MAGI1: variants seen among roughly 807,000 people sequenced by gnomAD.
The protein encoded by MAGI1 is membrane-associated guanylate kinase, WW and PDZ domain-containing protein 1.
In MAGI1, 58 loss-of-function variants were observed where a neutral mutation model predicts 139.9. The ratio of observed to expected loss-of-function variants is 0.41; its 90% CI spans 0.34 to 0.52. The LOEUF (loss-of-function observed/expected upper bound fraction) is 0.52. MAGI1 is among the 20% of genes least tolerant of loss of function. The pLI, the probability that MAGI1 is intolerant of heterozygous loss-of-function variation, is 0.12. For missense variants in MAGI1, 1,874 were observed against 1,901.6 expected, an observed-to-expected ratio of 0.99 and a Z score of 0.27; for synonymous variants, 812 against 737.9, an observed-to-expected ratio of 1.10 and a Z score of -1.63.
intron 1 of MAGI1, among the ~76,000 whole-genome samples, chr3:65,791,071 C>CA (rs369414557): frequency 1.9e-4 from 29 of 150,396 alleles, no homozygotes; most frequent in East Asian, 7.8e-4. Context: ...CAAGACTCCT[C>CA]AAAAAAAAAC....
intron 1 of MAGI1, among the ~76,000 whole-genome samples, chr3:65,758,906 C>T (rs1283846766): frequency 6.6e-6 from 1 of 151,890 alleles, no homozygotes; most frequent in African/African-American, 2.4e-5. Flanking sequence ...TTTACTTAGT[C>T]CCCACATTTT....
At chr3:65,930,164 A>C (rs1359786681) in intron 1 of MAGI1, among the ~76,000 whole-genome samples, 1 of 151,654 alleles carries the variant, frequency 6.6e-6, no homozygotes, top group Non-Finnish European at 1.5e-5. Context: ...AAAATACAAA[A>C]AATTAGTCGG....
intron 1 of MAGI1, among the ~76,000 whole-genome samples, chr3:66,004,498 A>G (rs566888827): frequency 1.3e-5 from 2 of 152,252 alleles, no homozygotes; most frequent in Admixed American, 1.3e-4. Flanking sequence ...GCAGAAGCAC[A>G]TGGCATTTTT....
At chr3:65,949,066 T>C (rs978386221) in intron 1 of MAGI1, among the ~76,000 whole-genome samples, 4 of 152,298 alleles carry the variant, frequency 2.6e-5, no homozygotes, top group Middle Eastern at 3.4e-3. Flanking sequence ...TCTATATTCC[T>C]CAAAGCATTT....
intron 1 of MAGI1, chr3:65,844,498 C>T: frequency 3.4e-6 from 1 of 298,388 alleles, no homozygotes; most frequent in Non-Finnish European, 6.4e-6. Flanking sequence ...CTCGAGAACA[C>T]TACAAGCTAT....
At chr3:65,678,599 A>G (rs995536412) in intron 1 of MAGI1, among the ~76,000 whole-genome samples, 4 of 152,116 alleles carry the variant, frequency 2.6e-5, no homozygotes, top group Admixed American at 6.5e-5. Context: ...CCTCAAGTCC[A>G]TGCCACACTC....
rs948679158 is a variant in MAGI1, at chr3:65,671,498, T to C, written c.314-49410A>G. ...CCGGTTGAAAACCACTGCTATAAATTAAAAGAAAGAAAGTAGGGAATTCCT... is the reference window on the plus strand; with the variant it reads ...CCGGTTGAAAACCACTGCTATAAATCAAAAGAAAGAAAGTAGGGAATTCCT... On this transcript the variant is annotated intron_variant, in intron 1 of 22. Coordinates refer to ENST00000402939, the MANE Select transcript of MAGI1 (RefSeq NM_001033057.2). 1.7e-4 allele frequency among the ~76,000 whole-genome samples: 26 copies of C among 152,114 alleles called. 1 individual carries two copies. Among genetic ancestry groups the C allele is most frequent in the Non-Finnish European group, 5.9e-5 (4 of 68,006 alleles).
chr3:65,846,768 G>C (rs533551936), intron 1 of MAGI1, among the ~76,000 whole-genome samples: 1 of 152,228 alleles, frequency 6.6e-6, no homozygotes, highest in Admixed American at 6.5e-5. Flanking sequence ...CTAGAACTCA[G>C]ATCCAGGCAG....
At chr3:65,752,959 A>C (rs187988048) in intron 1 of MAGI1, among the ~76,000 whole-genome samples, 293 of 152,272 alleles carry the variant, frequency 1.9e-3, no homozygotes, top group African/African-American at 6.5e-3. Context: ...TCCTGGCTGT[A>C]TTCAAAGTTG....
chr3:65,694,680 T>C (rs539133345), intron 1 of MAGI1, among the ~76,000 whole-genome samples: 3 of 152,350 alleles, frequency 2.0e-5, no homozygotes, highest in South Asian at 4.1e-4. Context: ...CAAATAGTAG[T>C]GCCCAGGTAT....
At chr3:65,759,739 C>T (rs1413520746) in intron 1 of MAGI1, among the ~76,000 whole-genome samples, 1 of 152,152 alleles carries the variant, frequency 6.6e-6, no homozygotes, top group African/African-American at 2.4e-5. Context: ...CTGGGACTAA[C>T]AAGTTTGTGC....
intron 12 of MAGI1, among the ~76,000 whole-genome samples, chr3:65,428,857 T>G (rs1281809288): frequency 7.9e-5 from 12 of 152,124 alleles, no homozygotes; most frequent in Admixed American, 5.2e-4. Context: ...AAGCCCTCTC[T>G]CATAAGGAGA....
intron 12 of MAGI1, among the ~76,000 whole-genome samples, chr3:65,417,183 G>A (rs1368312294): frequency 1.3e-5 from 2 of 152,134 alleles, no homozygotes; most frequent in African/African-American, 4.8e-5. Flanking sequence ...GGGCGGCAGG[G>A]GTAGTGACAG....
At chr3:65,761,713 G>A (rs184423538) in intron 1 of MAGI1, among the ~76,000 whole-genome samples, 4 of 152,160 alleles carry the variant, frequency 2.6e-5, no homozygotes, top group East Asian at 1.9e-4. Flanking sequence ...GCACAATTTC[G>A]TGTTAATCAC....
intron 1 of MAGI1, among the ~76,000 whole-genome samples, chr3:65,863,875 C>T (rs2372153): frequency 6.6e-6 from 1 of 151,926 alleles, no homozygotes; most frequent in African/African-American, 2.4e-5. Context: ...TCTTCAGATT[C>T]TAGCTGAAGT....
intron 2 of MAGI1, among the ~76,000 whole-genome samples, chr3:65,518,663 G>A (rs2078009828): frequency 6.6e-6 from 1 of 151,880 alleles, no homozygotes. Flanking sequence ...CACAAACATC[G>A]ACACCATGAA....
chr3:65,519,131 G>A (rs1356847971), intron 2 of MAGI1, among the ~76,000 whole-genome samples: 3 of 152,108 alleles, frequency 2.0e-5, no homozygotes, highest in Non-Finnish European at 4.4e-5. Flanking sequence ...CAGAGTGGGT[G>A]GGGTAAGAGA....
intron 1 of MAGI1, among the ~76,000 whole-genome samples, chr3:66,001,612 A>C (rs1471112557): frequency 6.6e-6 from 1 of 152,202 alleles, no homozygotes; most frequent in Non-Finnish European, 1.5e-5. Flanking sequence ...AGGTTACATA[A>C]CATGGCTTAA....
chr3:65,854,166 T>C (rs976250453), intron 1 of MAGI1, among the ~76,000 whole-genome samples: 1 of 125,548 alleles, frequency 8.0e-6, no homozygotes, highest in Non-Finnish European at 1.6e-5. Flanking sequence ...TAATCTTTTA[T>C]TTAAAGGTTT....
Sources: gnomAD v4.1 joint callset for allele counts (sites outside exome capture counted in the v4.1 genomes callset) on GRCh38, gnomAD v4.1.1 for gene constraint, MANE v1.5 for transcripts, NCBI Gene and HGNC (gene_info 2026-07-23, HGNC 2026-07-21) for gene names.